NFXL1: variants seen among roughly 807,000 people sequenced by gnomAD.
The protein encoded by NFXL1 is nuclear transcription factor, X-box binding like 1, also known as NF-X1-type zinc finger protein NFXL1.
A neutral mutation model predicts 123.3 loss-of-function variants in NFXL1; 66 were observed. That is an observed-to-expected ratio of 0.54 (90% CI 0.44 to 0.66). NFXL1 has a LOEUF of 0.66. Ranked by LOEUF, NFXL1 falls within the 30% of genes least tolerant of loss-of-function variation. The pLI, the probability that NFXL1 is intolerant of heterozygous loss-of-function variation, is 0.00. For synonymous variants in NFXL1, 346 were observed against 360.8 expected (o/e 0.96, Z 0.46); for missense variants, 944 against 1,125.6 (o/e 0.84, Z 2.31).
At chr4:47,894,877 T>C (rs1298348555) in intron 10 of NFXL1, among the ~76,000 whole-genome samples, 5 of 152,190 alleles carry the variant, frequency 3.3e-5, no homozygotes, top group African/African-American at 1.2e-4. Context: ...CAATTTACAT[T>C]GCCAAGATTC....
At chr4:47,903,967 G>A (rs1478214835) in intron 4 of NFXL1, among the ~76,000 whole-genome samples, 4 of 152,132 alleles carry the variant, frequency 2.6e-5, no homozygotes, top group Admixed American at 6.6e-5. Context: ...ATAAAAATCA[G>A]TTCCCCTTTC....
Position 47,899,087 on chromosome 4 carries a change from G to T in NFXL1, c.860C>A (p.Thr287Asn). ...TTTTGCTTTCTTACAGTAACAAGTA[G>T]TTGTGACCATCTTTGGACAAGGAGG... ...PCPPCPKMVT[T>N]TCYCKKAKPI... Residue 287 changes from threonine to asparagine, a missense_variant, in exon 7 of 23, where the codon ACT becomes AAT. Physicochemically the swap from Thr to Asn is moderately conservative, Grantham distance 65. Transcript: ENST00000507489. 3.2e-6 allele frequency: 5 copies of T among 1,550,100 alleles called. No individual in the cohort carries two copies. Among genetic ancestry groups the T allele is most frequent in the Non-Finnish European group, 4.4e-6 (5 of 1,145,630 alleles).
rs1394483508 is a variant in NFXL1 at position 47,849,957 on chromosome 4, T to A, written c.2562+1138A>T. Among the ~76,000 whole-genome samples, 326 of 151,378 alleles carry A rather than the reference T, an allele frequency of 2.2e-3. 1 individual carries two copies. The highest frequency in any genetic ancestry group is 5.3e-3 in the African/African-American group (220 of 41,356). ...TTTTAAAATGCGTATTATTTATTTT[T>A]TTTTTTTTTTACTTGTTTTGAAACA... On this transcript the variant is annotated intron_variant, in intron 22 of 22. Coordinates refer to ENST00000507489, the MANE Select transcript of NFXL1 (RefSeq NM_001278624.2).
At chr4:47,913,706 G>A (rs971971013) in intron 2 of NFXL1, among the ~76,000 whole-genome samples, 4 of 152,162 alleles carry the variant, frequency 2.6e-5, no homozygotes, top group Admixed American at 1.3e-4. Flanking sequence ...TACAACTGAT[G>A]GTCTGGAGAT....
intron 6 of NFXL1, 115 bp downstream of exon 6, chr4:47,899,255 A>G (rs1737259930): frequency 5.4e-6 from 7 of 1,290,174 alleles, no homozygotes; most frequent in Non-Finnish European, 6.3e-6. Context: ...ATAACTTTCA[A>G]TATTTTCTCA....
At position 47,892,712 on chromosome 4, in the gene NFXL1, T is replaced by C. The variant is rs937174217; in HGVS notation, c.1452+1468A>G. Among the ~76,000 whole-genome samples the C allele has an allele frequency of 2.2e-4, 33 of 152,122 alleles. 1 individual carries two copies. The highest frequency in any genetic ancestry group is 8.0e-4 in the African/African-American group (33 of 41,424). ...AAGCCTCTGAAAGAACAAACAGTTTTTGAGTAACTTAACTTTGCCCCAGAA... is the reference window on the plus strand; with the variant it reads ...AAGCCTCTGAAAGAACAAACAGTTTCTGAGTAACTTAACTTTGCCCCAGAA... On this transcript the variant is annotated intron_variant, in intron 11 of 22. Transcript: ENST00000507489.
intron 15 of NFXL1, among the ~76,000 whole-genome samples, chr4:47,880,701 A>G (rs1314974348): frequency 6.7e-6 from 1 of 149,234 alleles, no homozygotes; most frequent in Non-Finnish European, 1.5e-5. Context: ...CTTTTTTATT[A>G]TATCTGTTAT....
chr4:47,909,936 T>C (rs1325415916), intron 3 of NFXL1, among the ~76,000 whole-genome samples: 1 of 152,140 alleles, frequency 6.6e-6, no homozygotes, highest in Admixed American at 6.5e-5. Context: ...GCTGGGGTTA[T>C]AGGCGTGAGC....
chr4:47,905,337 G>C lies in NFXL1; in HGVS notation c.416C>G (p.Thr139Arg). ...ITYTTQTDGD[T>R]RELERTKQYV... is the part of the protein sequence containing the mutation. ...TTGTTTTGTTCGCTCTAATTCACGT[G>C]TATCTCCATCTGGAAATTTAAAGAT... Residue 139 changes from threonine to arginine, a missense_variant, in exon 4 of 23, where the codon ACA becomes AGA. Around this residue, in one of 4 missense-constraint regions of NFXL1, gnomAD observed 303 missense variants for 292.1 expected, o/e 1.04. Coordinates refer to ENST00000507489, the MANE Select transcript of NFXL1 (RefSeq NM_001278624.2). 6.5e-7 allele frequency: 1 copy of C among 1,542,538 alleles called. No individual in the cohort carries two copies. The highest frequency in any genetic ancestry group is 8.9e-7 in the Non-Finnish European group (1 of 1,118,840).
At chr4:47,875,322 T>A (rs1219177522) in intron 17 of NFXL1, 29 bp from the exon 18 acceptor site, 1 of 1,577,466 alleles carries the variant, frequency 6.3e-7, no homozygotes, top group South Asian at 1.1e-5. Flanking sequence ...ATAAATCACC[T>A]AAGTACAAGG....
intron 15 of NFXL1, among the ~76,000 whole-genome samples, chr4:47,882,631 C>T (rs1287344180): frequency 2.0e-5 from 3 of 152,156 alleles, no homozygotes; most frequent in Non-Finnish European, 4.4e-5. Flanking sequence ...TTCTACGGTA[C>T]AAATCTTATA....
intron 15 of NFXL1, among the ~76,000 whole-genome samples, chr4:47,880,405 G>A (rs1736019254): frequency 1.6e-5 from 2 of 122,278 alleles, no homozygotes; most frequent in Admixed American, 1.0e-4. Context: ...AAGCCTGGGT[G>A]ACAGAACTGA....
intron 15 of NFXL1, among the ~76,000 whole-genome samples, chr4:47,881,006 A>G (rs1293213419): frequency 6.6e-6 from 1 of 152,010 alleles, no homozygotes; most frequent in African/African-American, 2.4e-5. Context: ...TTACAGCTAG[A>G]TAGGAAGAAC....
intron 2 of NFXL1, among the ~76,000 whole-genome samples, chr4:47,911,505 C>G (rs1018427662): frequency 6.6e-6 from 1 of 152,144 alleles, no homozygotes; most frequent in Non-Finnish European, 1.5e-5. Context: ...GAGTTTGTAC[C>G]AACAGTACTC....
chr4:47,889,233 T>C (rs1296410231), intron 12 of NFXL1, among the ~76,000 whole-genome samples: 1 of 152,224 alleles, frequency 6.6e-6, no homozygotes, highest in Admixed American at 6.5e-5. Context: ...ATCACAGAGA[T>C]GTAGTTTGCA....
rs993148891 is a variant in NFXL1, at chr4:47,914,278, G to A, written c.-2-73C>T. 6 of 1,210,770 alleles carry A rather than the reference G, an allele frequency of 5.0e-6. No homozygotes were observed. The African/African-American group carries it at 7.7e-5, about 15-fold the overall frequency. 75.0% of individuals were successfully genotyped at this position (1,210,770 alleles called of 1,614,324 possible). ...CGAGGACCGAGGCGAAGGAGGGTCA[G>A]TGCGGAAACCCGGTGTGAGGGGCCG... On this transcript the variant is annotated intron_variant, in intron 1 of 22. Coordinates refer to ENST00000507489, the MANE Select transcript of NFXL1 (RefSeq NM_001278624.2).
At chr4:47,876,169 A>T (rs1735740397) in intron 17 of NFXL1, among the ~76,000 whole-genome samples, 1 of 152,042 alleles carries the variant, frequency 6.6e-6, no homozygotes, top group South Asian at 2.1e-4. Flanking sequence ...TTATTTTATA[A>T]ATTATTTTTT....
chr4:47,865,352 C>A (rs1427585872), intron 18 of NFXL1, among the ~76,000 whole-genome samples: 1 of 151,732 alleles, frequency 6.6e-6, no homozygotes, highest in Non-Finnish European at 1.5e-5. Flanking sequence ...GTAATGGAAG[C>A]CACCTTAATC....
rs1309020611 is a variant in NFXL1 at position 47,878,713 on chromosome 4, C to A, written c.1939-48G>T. ...CACAGCACACATTACTCAAACGTTT[C>A]TGGACATATTATATGTTTCCAAAAT... is the stretch of plus-strand genomic sequence containing the variant. On this transcript the variant is annotated intron_variant, in intron 16 of 22. Coordinates refer to ENST00000507489, the MANE Select transcript of NFXL1 (RefSeq NM_001278624.2). 9 of 1,373,920 alleles carry A rather than the reference C, an allele frequency of 6.6e-6. No homozygotes were observed. The East Asian group carries it at 2.1e-4, about 32-fold the overall frequency. 85.1% of individuals were successfully genotyped at this position (1,373,920 alleles called of 1,614,324 possible).
Sources: allele counts gnomAD v4.1 joint callset (sites outside exome capture counted in the v4.1 genomes callset), GRCh38; gene constraint gnomAD v4.1.1; regional missense constraint gnomAD v4.1.1; transcripts MANE v1.5; gene names NCBI Gene and HGNC (gene_info 2026-07-23, HGNC 2026-07-21).